Variants in GABRA5 observed in about 807,000 individuals in gnomAD.
The protein encoded by GABRA5 is gamma-aminobutyric acid type A receptor subunit alpha5.
Under a neutral mutation model 47.3 loss-of-function variants are expected in GABRA5, and 18 were observed. The ratio of observed to expected loss-of-function variants is 0.38; its 90% CI spans 0.26 to 0.56. GABRA5 has a LOEUF of 0.56. Ranked by LOEUF, GABRA5 falls within the 20% of genes least tolerant of loss-of-function variation. GABRA5 has a pLI of 0.71. For synonymous variants in GABRA5, 237 were observed against 229.3 expected (o/e 1.03, Z -0.30); for missense variants, 365 against 599.3 (o/e 0.61, Z 4.08).
chr15:26,872,918 A>G (rs1298212393), intron 3 of GABRA5, among the ~76,000 whole-genome samples: 1 of 152,242 alleles, frequency 6.6e-6, no homozygotes, highest in Non-Finnish European at 1.5e-5. Flanking sequence ...CTTTGAAAAT[A>G]CATGAGTGTT....
chr15:26,889,012 T>A (rs2140263829), intron 6 of GABRA5, among the ~76,000 whole-genome samples: 2 of 152,358 alleles, frequency 1.3e-5, no homozygotes, highest in Middle Eastern at 6.8e-3. Context: ...AATAGAAAGA[T>A]CTGGGCAAAC....
At chr15:26,870,103 A>G (rs1892427219) in intron 3 of GABRA5, among the ~76,000 whole-genome samples, 2 of 152,240 alleles carry the variant, frequency 1.3e-5, no homozygotes, top group Admixed American at 1.3e-4. Flanking sequence ...TAATTAAGAA[A>G]TTAAATGTCA....
chr15:26,947,183 TG>T (rs1894531913), intron 10 of GABRA5, among the ~76,000 whole-genome samples: 1 of 152,236 alleles, frequency 6.6e-6, no homozygotes. Context: ...ATTCCGTTTA[TG>T]GCAAGATCTT....
At position 26,908,332 on chromosome 15, in the gene GABRA5, T is replaced by C. The variant is rs1012425033; in HGVS notation, c.498-6471T>C. Among the ~76,000 whole-genome samples the C allele has an allele frequency of 3.3e-5, 5 of 152,104 alleles. 1 individual carries two copies. Among genetic ancestry groups the C allele is most frequent in the Admixed American group, 3.3e-4 (5 of 15,262 alleles). On this transcript the variant is annotated intron_variant, in intron 6 of 10. Coordinates refer to ENST00000335625, the MANE Select transcript of GABRA5 (RefSeq NM_000810.4). ...CTTCCATCCTTGCTAAGGATGTGAC[T>C]CAGGTGTAGAGTGAAAATTCACCAG...
chr15:26,936,228 A>G (rs1004379721), intron 7 of GABRA5, among the ~76,000 whole-genome samples: 2 of 152,180 alleles, frequency 1.3e-5, no homozygotes, highest in African/African-American at 4.8e-5. Context: ...TTTCTTGATA[A>G]ATTACCTAGT....
intron 6 of GABRA5, among the ~76,000 whole-genome samples, chr15:26,899,240 T>C (rs1893269855): frequency 6.6e-6 from 1 of 152,238 alleles, no homozygotes; most frequent in Non-Finnish European, 1.5e-5. Flanking sequence ...TTTCCACATA[T>C]TTGTGAAAGT....
At chr15:26,930,496 C>G (rs965174852) in intron 7 of GABRA5, among the ~76,000 whole-genome samples, 3 of 152,206 alleles carry the variant, frequency 2.0e-5, no homozygotes, top group Admixed American at 2.0e-4. Context: ...ATGGTTCAGT[C>G]AAGCTCCTTG....
intron 3 of GABRA5, among the ~76,000 whole-genome samples, chr15:26,874,328 A>T (rs892391787): frequency 1.3e-5 from 2 of 150,172 alleles, no homozygotes; most frequent in African/African-American, 2.5e-5. Flanking sequence ...TTTTTTTTTT[A>T]AATGCACTGT....
chr15:26,877,024 G>C (rs1036001091), intron 3 of GABRA5, among the ~76,000 whole-genome samples: 15 of 152,190 alleles, frequency 9.9e-5, no homozygotes, highest in African/African-American at 3.6e-4. Context: ...CAGTGCCAAG[G>C]GCAAGAATGG....
chr15:26,872,785 G>A (rs1812292218), intron 3 of GABRA5, among the ~76,000 whole-genome samples: 1 of 152,250 alleles, frequency 6.6e-6, no homozygotes, highest in Admixed American at 6.5e-5. Context: ...GCAGGGCTAT[G>A]TGCGTGGACC....
intron 6 of GABRA5, among the ~76,000 whole-genome samples, chr15:26,891,154 G>T (rs1254719846): frequency 6.6e-6 from 1 of 152,136 alleles, no homozygotes; most frequent in Non-Finnish European, 1.5e-5. Flanking sequence ...CCATGCTTTG[G>T]ACTCTCGGGC....
intron 7 of GABRA5, among the ~76,000 whole-genome samples, chr15:26,922,295 A>T (rs1279951538): frequency 1.3e-5 from 2 of 152,112 alleles, no homozygotes; most frequent in African/African-American, 4.8e-5. Context: ...CACATATATA[A>T]TTGTTTGTCT....
At chr15:26,930,673 C>T (rs1056466191) in intron 7 of GABRA5, among the ~76,000 whole-genome samples, 3 of 152,056 alleles carry the variant, frequency 2.0e-5, no homozygotes, top group African/African-American at 7.2e-5. Context: ...CTACAACTCT[C>T]CTCTTTTCTT....
At position 26,937,276 on chromosome 15, in the gene GABRA5, G is replaced by C. The variant is rs1226744425; in HGVS notation, c.672G>C (p.Gln224His). The C allele has an allele frequency of 6.2e-7, 1 of 1,613,900 alleles. No individual in the cohort carries two copies. Among genetic ancestry groups the C allele is most frequent in the South Asian group, 1.1e-5 (1 of 91,070 alleles). The change falls in exon 8 of 11, where the codon CAG (glutamine) becomes CAC (histidine). Residue 224 changes from glutamine (Q) to histidine (H), a missense_variant. Gln to His is a conservative substitution (Grantham distance 24). This residue lies in a region of GABRA5 where 216 missense variants were observed against 335.3 expected (regional missense o/e 0.64). Coordinates refer to ENST00000335625, the MANE Select transcript of GABRA5 (RefSeq NM_000810.4). ...VVAEDGSRLNQYHLMGQTVGT... is the reference protein window; with the variant it reads ...VVAEDGSRLNHYHLMGQTVGT... ...CGGAAGATGGCTCCAGACTGAACCA[G>C]TACCACCTGATGGGGCAGACGGTGG... is the stretch of plus-strand genomic sequence containing the variant.
At chr15:26,940,967 A>G (rs1235137149) in intron 9 of GABRA5, among the ~76,000 whole-genome samples, 1 of 152,238 alleles carries the variant, frequency 6.6e-6, no homozygotes, top group Non-Finnish European at 1.5e-5. Context: ...CGATTCACAC[A>G]TCAGCATTTG....
At position 26,883,048 on chromosome 15, in the gene GABRA5, G is replaced by C; in HGVS notation, c.209-118G>C. The C allele has an allele frequency of 1.3e-6, 1 of 793,668 alleles. No homozygotes were observed. Among genetic ancestry groups the C allele is most frequent in the Non-Finnish European group, 2.3e-6 (1 of 441,758 alleles). The allele number at this position is 793,668 out of a possible 1,614,324, so 49.2% of individuals were successfully genotyped here. Reference sequence around the variant, plus strand: ...GTCAAGTCCTCCAAATTTACCAAACGCACTGCAAAAGCCCCCGGTTGCAGA... The same window carrying C: ...GTCAAGTCCTCCAAATTTACCAAACCCACTGCAAAAGCCCCCGGTTGCAGA... On this transcript the variant is annotated intron_variant, in intron 4 of 10. Coordinates refer to ENST00000335625, the MANE Select transcript of GABRA5 (RefSeq NM_000810.4). The surrounding 1 kb of genome is among the most constrained non-coding windows in gnomAD (Gnocchi z 4.8).
intron 7 of GABRA5, among the ~76,000 whole-genome samples, chr15:26,935,948 C>T (rs1338746868): frequency 1.3e-5 from 2 of 152,166 alleles, no homozygotes; most frequent in Non-Finnish European, 2.9e-5. Context: ...CTGTGTGTCC[C>T]CACCCAAATC....
intron 6 of GABRA5, among the ~76,000 whole-genome samples, chr15:26,910,564 C>T (rs1893555624): frequency 6.7e-6 from 1 of 150,030 alleles, no homozygotes; most frequent in South Asian, 2.1e-4. Context: ...CATGCCACTG[C>T]ACTCCAGCCT....
chr15:26,871,671 A>G (rs778573147), intron 3 of GABRA5, among the ~76,000 whole-genome samples: 1 of 152,112 alleles, frequency 6.6e-6, no homozygotes, highest in African/African-American at 2.4e-5. Flanking sequence ...TGTTTTTTAT[A>G]CAGTTGGGAT....
Sources: gnomAD v4.1 joint callset for allele counts (sites outside exome capture counted in the v4.1 genomes callset) on GRCh38, gnomAD v4.1.1 for gene constraint, gnomAD v4.1.1 regional missense constraint, Gnocchi (gnomAD v3.1) non-coding constraint, MANE v1.5 for transcripts, NCBI Gene and HGNC (gene_info 2026-07-23, HGNC 2026-07-21) for gene names.